RUNX2: variants seen among roughly 807,000 people sequenced by gnomAD.
The protein encoded by RUNX2 is RUNX family transcription factor 2.
A neutral mutation model predicts 51.7 loss-of-function variants in RUNX2; 10 were observed. That is an observed-to-expected ratio of 0.19 (90% CI 0.12 to 0.33). RUNX2 has a LOEUF of 0.33. Ranked by LOEUF, RUNX2 falls within the 10% of genes least tolerant of loss-of-function variation. RUNX2 has a pLI of 1.00. For missense variants in RUNX2, 562 were observed against 691.3 expected, an observed-to-expected ratio of 0.81 and a Z score of 2.10; for synonymous variants, 276 against 273.6, an observed-to-expected ratio of 1.01 and a Z score of -0.09.
chr6:45,360,171 A>C (rs371273279), intron 2 of RUNX2, among the ~76,000 whole-genome samples: 74 of 152,324 alleles, frequency 4.9e-4, no homozygotes, highest in African/African-American at 1.7e-3. Flanking sequence ...ATTAATCCAG[A>C]ATTTGCCACT....
intron 5 of RUNX2, among the ~76,000 whole-genome samples, chr6:45,473,987 A>C (rs918257492): frequency 6.6e-6 from 1 of 152,204 alleles, no homozygotes; most frequent in Non-Finnish European, 1.5e-5. Flanking sequence ...TCAGGTGTAA[A>C]TGTCTGAATT....
At chr6:45,523,041 C>T (rs1801556469) in intron 7 of RUNX2, among the ~76,000 whole-genome samples, 1 of 152,178 alleles carries the variant, frequency 6.6e-6, no homozygotes, top group Non-Finnish European at 1.5e-5. Flanking sequence ...TCCACCTACT[C>T]ATTATATTGA....
At chr6:45,502,747 T>C (rs1800835540) in intron 6 of RUNX2, among the ~76,000 whole-genome samples, 1 of 152,162 alleles carries the variant, frequency 6.6e-6, no homozygotes, top group African/African-American at 2.4e-5. Flanking sequence ...CCCTGTTTCT[T>C]TTAGGATGCT....
chr6:45,365,403 A>G (rs989132901), intron 2 of RUNX2: 19 of 753,718 alleles, frequency 2.5e-5, no homozygotes, highest in Non-Finnish European at 4.0e-5. Context: ...AGTAGAGAAA[A>G]TTTAAATTTC....
intron 2 of RUNX2, among the ~76,000 whole-genome samples, chr6:45,349,980 T>C (rs1246603280): frequency 6.6e-6 from 1 of 152,122 alleles, no homozygotes; most frequent in Non-Finnish European, 1.5e-5. Flanking sequence ...GTTTTATTAG[T>C]CACAGGAAAA....
At chr6:45,536,928 G>A (rs1356054577) in intron 7 of RUNX2, among the ~76,000 whole-genome samples, 1 of 152,142 alleles carries the variant, frequency 6.6e-6, no homozygotes, top group African/African-American at 2.4e-5. Context: ...GGTTAATCAC[G>A]AATTTCAAGA....
At chr6:45,423,588 G>A (rs1374622692) in intron 3 of RUNX2, among the ~76,000 whole-genome samples, 1 of 151,150 alleles carries the variant, frequency 6.6e-6, no homozygotes, top group South Asian at 2.1e-4. Flanking sequence ...CCGGTGCCGG[G>A]CATTAGTGCC....
At chr6:45,337,852 G>A (rs1788913800) in intron 2 of RUNX2, among the ~76,000 whole-genome samples, 1 of 151,844 alleles carries the variant, frequency 6.6e-6, no homozygotes, top group Admixed American at 6.6e-5. Flanking sequence ...TGGTACTACT[G>A]TAAGTAGAAA....
chr6:45,428,450 G>T (rs1370662264), intron 3 of RUNX2, among the ~76,000 whole-genome samples: 1 of 152,038 alleles, frequency 6.6e-6, no homozygotes, highest in African/African-American at 2.4e-5. Flanking sequence ...ATTTGGTAGA[G>T]TGAATAGCAG....
chr6:45,363,261 A>G (rs1012812685), intron 2 of RUNX2, among the ~76,000 whole-genome samples: 4 of 152,218 alleles, frequency 2.6e-5, no homozygotes, highest in Non-Finnish European at 5.9e-5. Flanking sequence ...CAGCAAGTCC[A>G]TGGCCATAAT....
intron 2 of RUNX2, among the ~76,000 whole-genome samples, chr6:45,406,315 A>G (rs1461721135): frequency 2.6e-5 from 4 of 152,204 alleles, no homozygotes; most frequent in African/African-American, 7.2e-5. Context: ...CTAAAGTAGT[A>G]AGTGGTGTGT....
rs774424659 is a variant in RUNX2, at chr6:45,422,789, G to A, written c.255G>A (p.Ala85=). 1 of 1,482,362 alleles carries A rather than the reference G, an allele frequency of 6.7e-7. No individual in the cohort carries two copies. Among genetic ancestry groups the A allele is most frequent in the Non-Finnish European group, 8.9e-7 (1 of 1,121,020 alleles). 91.8% of individuals were successfully genotyped at this position (1,482,362 alleles called of 1,614,324 possible). ...CTGCGGCGGCGGCGGCGGCTGCGGC[G>A]GCGGCAGCTGCAGTGCCCCGGTTGC... ...AAAAAAAAAA[A]AAAAVPRLRP... is the part of the protein sequence containing the mutation. Residue 85 remains alanine, a synonymous_variant, in exon 3 of 9, where the codon GCG becomes GCA. Transcript: ENST00000647337.
intron 5 of RUNX2, among the ~76,000 whole-genome samples, chr6:45,465,433 A>G (rs894649322): frequency 6.6e-6 from 1 of 152,072 alleles, no homozygotes; most frequent in Non-Finnish European, 1.5e-5. Flanking sequence ...AAGGACTCTA[A>G]TTTTAGTACT....
chr6:45,418,768 T>C (rs1035482081), intron 2 of RUNX2, among the ~76,000 whole-genome samples: 1 of 152,220 alleles, frequency 6.6e-6, no homozygotes, highest in Non-Finnish European at 1.5e-5. Flanking sequence ...GAAAACCCAC[T>C]GTGCCAGATA....
chr6:45,543,302 T>C (rs1422593617), intron 7 of RUNX2, among the ~76,000 whole-genome samples: 2 of 152,192 alleles, frequency 1.3e-5, no homozygotes, highest in Non-Finnish European at 2.9e-5. Flanking sequence ...TATAGCACTC[T>C]CAACTTCTCC....
At chr6:45,516,726 C>T (rs1166667593) in intron 7 of RUNX2, among the ~76,000 whole-genome samples, 5 of 152,224 alleles carry the variant, frequency 3.3e-5, no homozygotes, top group South Asian at 2.1e-4. Context: ...TAATTGCAAT[C>T]GTATCACCCA....
At position 45,512,323 on chromosome 6, in the gene RUNX2, C is replaced by G. The variant is rs774805163; in HGVS notation, c.937C>G (p.Pro313Ala). Residue 313 changes from proline to alanine, a missense_variant, in exon 7 of 9, where the codon CCG becomes GCG. Transcript: ENST00000647337. ...CTCCTACCTGAGCCAGATGACGTCC[C>G]CGTCCATCCACTCTACCACCCCGCT... ...YPSYLSQMTS[P>A]SIHSTTPLSS... 3.1e-6 allele frequency: 5 copies of G among 1,614,110 alleles called. No homozygotes were observed. Among genetic ancestry groups the G allele is most frequent in the Non-Finnish European group, 4.2e-6 (5 of 1,180,002 alleles).
rs79315576 is a variant in RUNX2 at position 45,433,293 on chromosome 6, A to G, written c.580+1274A>G. Among the ~76,000 whole-genome samples the G allele has an allele frequency of 2.0e-5, 3 of 152,332 alleles. No individual in the cohort carries two copies. In the East Asian group the frequency reaches 5.8e-4, roughly 29 times the overall value. ...TTTCATAAAAAGAAGAAAAAAAGAC[A>G]CATCCTATATCACTATTGACTGATT... On this transcript the variant is annotated intron_variant, in intron 4 of 8. Coordinates refer to ENST00000647337, the MANE Select transcript of RUNX2 (RefSeq NM_001024630.4).
intron 2 of RUNX2, among the ~76,000 whole-genome samples, chr6:45,400,306 C>G (rs889576975): frequency 6.6e-6 from 1 of 152,082 alleles, no homozygotes; most frequent in Admixed American, 6.5e-5. Context: ...GAGAGGAGAA[C>G]CATTGGCAGT....
Sources: gnomAD v4.1 joint callset for allele counts (sites outside exome capture counted in the v4.1 genomes callset) on GRCh38, gnomAD v4.1.1 for gene constraint, MANE v1.5 for transcripts, NCBI Gene and HGNC (gene_info 2026-07-23, HGNC 2026-07-21) for gene names.